EFHD1: variants seen among roughly 807,000 people sequenced by gnomAD.
The protein encoded by EFHD1 is EF-hand domain family member D1.
In EFHD1, 10 loss-of-function variants were observed where a neutral mutation model predicts 17.2. The observed-to-expected ratio is 0.58, with a 90% CI of 0.36 to 0.99. The LOEUF is 0.99. EFHD1 is among the 50% of genes least tolerant of loss of function. The pLI is 0.01. For missense variants in EFHD1, 310 were observed against 327.5 expected, an observed-to-expected ratio of 0.95 and a Z score of 0.41; for synonymous variants, 153 against 142.0, an observed-to-expected ratio of 1.08 and a Z score of -0.55.
intron 1 of EFHD1, among the ~76,000 whole-genome samples, chr2:232,607,112 C>A (rs925364615): frequency 3.3e-5 from 5 of 151,828 alleles, no homozygotes; most frequent in African/African-American, 1.2e-4. Flanking sequence ...CCACCTCAGC[C>A]TCCCGAAGTG....
chr2:232,619,984 G>A (rs772050108), intron 1 of EFHD1, among the ~76,000 whole-genome samples: 1 of 152,094 alleles, frequency 6.6e-6, no homozygotes, highest in Non-Finnish European at 1.5e-5. Flanking sequence ...TATCAGCAGG[G>A]TCTCACTCCA....
At chr2:232,678,103 T>G (rs909024650) in intron 3 of EFHD1, among the ~76,000 whole-genome samples, 8 of 151,440 alleles carry the variant, frequency 5.3e-5, no homozygotes, top group Middle Eastern at 6.8e-3. Flanking sequence ...GCCAACATGG[T>G]GAAACCCTGT....
chr2:232,607,904 G>A (rs1392544429), intron 1 of EFHD1, among the ~76,000 whole-genome samples: 1 of 151,418 alleles, frequency 6.6e-6, no homozygotes, highest in African/African-American at 2.4e-5. Flanking sequence ...GACCAGCCTG[G>A]GCAACACAGC....
chr2:232,622,753 T>C (rs1694043836), intron 1 of EFHD1, among the ~76,000 whole-genome samples: 1 of 152,134 alleles, frequency 6.6e-6, no homozygotes, highest in Admixed American at 6.5e-5. Context: ...GCCTGAGCTA[T>C]TCCACGAGGT....
At chr2:232,662,264 G>C (rs940663327) in intron 1 of EFHD1, among the ~76,000 whole-genome samples, 1 of 152,090 alleles carries the variant, frequency 6.6e-6, no homozygotes, top group African/African-American at 2.4e-5. Context: ...GAACCAGAGG[G>C]GAATCATGAG....
chr2:232,647,798 G>A (rs996048063), intron 1 of EFHD1, among the ~76,000 whole-genome samples: 18 of 151,898 alleles, frequency 1.2e-4, no homozygotes, highest in Middle Eastern at 3.2e-3. Context: ...CACCACACCC[G>A]GCTAATTTTT....
At chr2:232,609,887 T>C (rs547694044) in intron 1 of EFHD1, among the ~76,000 whole-genome samples, 1 of 152,292 alleles carries the variant, frequency 6.6e-6, no homozygotes, top group Admixed American at 6.5e-5. Flanking sequence ...CCGGGTCTCC[T>C]TTCTCAGAGG....
intron 1 of EFHD1, among the ~76,000 whole-genome samples, chr2:232,657,812 C>CAA (rs111874089): frequency 3.8e-5 from 4 of 105,068 alleles, no homozygotes; most frequent in African/African-American, 9.6e-5. Context: ...AACTCCATCT[C>CAA]AAAAAAAAAA....
chr2:232,680,718 A>G (rs191932832), intron 3 of EFHD1, among the ~76,000 whole-genome samples: 15 of 152,250 alleles, frequency 9.9e-5, no homozygotes, highest in Non-Finnish European at 1.6e-4. Context: ...CATGTTGGCC[A>G]GGCTGGTCTC....
chr2:232,616,951 A>G (rs1003018680), intron 1 of EFHD1, among the ~76,000 whole-genome samples: 2 of 152,206 alleles, frequency 1.3e-5, no homozygotes, highest in Non-Finnish European at 2.9e-5. Flanking sequence ...CTTCTCTTGC[A>G]CTAGGATGTC....
chr2:232,629,936 A>C (rs1694174124), upstream of EFHD1, among the ~76,000 whole-genome samples: 1 of 151,428 alleles, frequency 6.6e-6, no homozygotes. Flanking sequence ...CCCATGATTC[A>C]ACAAGCATGT....
upstream of EFHD1, chr2:232,633,392 G>C: frequency 9.1e-7 from 1 of 1,104,044 alleles, no homozygotes; most frequent in African/African-American, 1.6e-5. Flanking sequence ...TGGTCCCGGG[G>C]GGACGGTCAG....
chr2:232,651,380 C>T (rs1409314268), intron 1 of EFHD1, among the ~76,000 whole-genome samples: 1 of 152,254 alleles, frequency 6.6e-6, no homozygotes, highest in Non-Finnish European at 1.5e-5. Flanking sequence ...AACAAATCCA[C>T]CTGCATTTGC....
intron 3 of EFHD1, among the ~76,000 whole-genome samples, chr2:232,679,002 G>C (rs1695227791): frequency 6.6e-6 from 1 of 152,094 alleles, no homozygotes; most frequent in African/African-American, 2.4e-5. Context: ...AGGTTTTCAT[G>C]TCCATGTGTG....
chr2:232,681,434 G>T, intron 3 of EFHD1, 151 bp from the exon 4 acceptor site: 1 of 1,130,746 alleles, frequency 8.8e-7, no homozygotes, highest in Non-Finnish European at 1.2e-6. Flanking sequence ...AAGGCCACAC[G>T]GAAAGAGTGC....
intron 1 of EFHD1, among the ~76,000 whole-genome samples, chr2:232,619,865 C>G (rs1693990066): frequency 6.6e-6 from 1 of 151,884 alleles, no homozygotes; most frequent in Non-Finnish European, 1.5e-5. Context: ...GATCAGGCCA[C>G]TGCACTCCAG....
At chr2:232,665,427 CTTTTTT>C (rs148891399) in intron 2 of EFHD1, among the ~76,000 whole-genome samples, 2 of 147,250 alleles carry the variant, frequency 1.4e-5, no homozygotes, top group Non-Finnish European at 3.0e-5. Flanking sequence ...ATTATATTAA[CTTTTTT>C]TTTTTTGAGA....
intron 1 of EFHD1, among the ~76,000 whole-genome samples, chr2:232,620,669 T>G (rs923102579): frequency 2.6e-5 from 4 of 152,176 alleles, no homozygotes; most frequent in Non-Finnish European, 4.4e-5. Context: ...TTATTGAAGA[T>G]ACCTTCTCTA....
At chr2:232,670,222 C>T (rs1017782345) in intron 2 of EFHD1, among the ~76,000 whole-genome samples, 1 of 152,072 alleles carries the variant, frequency 6.6e-6, no homozygotes, top group African/African-American at 2.4e-5. Context: ...CTTTGGGAGG[C>T]CTGAGGCTAG....
Sources: gnomAD v4.1 joint callset for allele counts (sites outside exome capture counted in the v4.1 genomes callset) on GRCh38, gnomAD v4.1.1 for gene constraint, MANE v1.5 for transcripts, NCBI Gene and HGNC (gene_info 2026-07-23, HGNC 2026-07-21) for gene names.